SPEF2: variants seen among roughly 807,000 people sequenced by gnomAD.
The protein encoded by SPEF2 is sperm flagella and cilia-associated protein 2.
A neutral mutation model predicts 224.6 loss-of-function variants in SPEF2; 187 were observed. The ratio of observed to expected loss-of-function variants is 0.83; its 90% CI spans 0.74 to 0.94. The LOEUF is 0.94. Ranked by LOEUF, SPEF2 falls within the 40% of genes least tolerant of loss-of-function variation. SPEF2 has a pLI of 0.00. For missense variants in SPEF2, 2,170 were observed against 2,135.6 expected, an observed-to-expected ratio of 1.02 and a Z score of -0.32; for synonymous variants, 715 against 707.3, an observed-to-expected ratio of 1.01 and a Z score of -0.17.
intron 1 of SPEF2, among the ~76,000 whole-genome samples, chr5:35,621,386 G>C (rs1743490031): frequency 6.6e-6 from 1 of 152,052 alleles, no homozygotes; most frequent in Non-Finnish European, 1.5e-5. Context: ...AGGTGAGTCA[G>C]GAGGAGAGGG....
chr5:35,713,643 G>C (rs926938081), intron 20 of SPEF2, among the ~76,000 whole-genome samples: 2 of 150,140 alleles, frequency 1.3e-5, no homozygotes, highest in African/African-American at 4.9e-5. Context: ...GGCTGAGGCA[G>C]GAGAATCCCT....
At chr5:35,790,395 G>A in intron 30 of SPEF2, 1 of 492,698 alleles carries the variant, frequency 2.0e-6, no homozygotes, top group Non-Finnish European at 3.6e-6. Flanking sequence ...TGACATTTTT[G>A]TTGCTTAGCA....
At chr5:35,671,094 A>T (rs1751168106) in intron 10 of SPEF2, 1 of 985,416 alleles carries the variant, frequency 1.0e-6, no homozygotes. Flanking sequence ...TATTAGAAAA[A>T]TTACAAAATG....
chr5:35,698,492 C>T (rs1469764490), intron 15 of SPEF2: 2 of 152,186 alleles, frequency 1.3e-5, no homozygotes, highest in Non-Finnish European at 2.9e-5. Context: ...ATGTTTCAGC[C>T]ATGGGATTCT....
intron 6 of SPEF2, among the ~76,000 whole-genome samples, chr5:35,650,690 CCA>C (rs200081610): frequency 6.6e-6 from 1 of 152,126 alleles, no homozygotes; most frequent in East Asian, 1.9e-4. Context: ...GCACCAGTAT[CCA>C]TGTCTATTGG....
At chr5:35,682,544 A>G (rs1325505302) in intron 10 of SPEF2, among the ~76,000 whole-genome samples, 1 of 152,230 alleles carries the variant, frequency 6.6e-6, no homozygotes, top group East Asian at 1.9e-4. Context: ...ATATCAGGCC[A>G]TGCAGATGTT....
intron 20 of SPEF2, among the ~76,000 whole-genome samples, chr5:35,720,310 A>G (rs1299473115): frequency 6.6e-6 from 1 of 152,218 alleles, no homozygotes. Flanking sequence ...AATAAGGATC[A>G]GCAATATTCC....
chr5:35,618,871 C>CTTTTTTTTTT (rs373293181), intron 1 of SPEF2, among the ~76,000 whole-genome samples: 1 of 149,306 alleles, frequency 6.7e-6, no homozygotes, highest in Non-Finnish European at 1.5e-5. Flanking sequence ...TTTTGTTTGT[C>CTTTTTTTTTT]TTTTTTTCTT....
intron 15 of SPEF2, chr5:35,698,506 C>T (rs548109586): frequency 6.6e-6 from 1 of 152,296 alleles, no homozygotes; most frequent in African/African-American, 2.4e-5. Context: ...GGATTCTTTG[C>T]TTCTGCTCCA....
intron 11 of SPEF2, 74 bp downstream of exon 11, chr5:35,691,330 T>C: frequency 8.4e-7 from 1 of 1,192,122 alleles, no homozygotes; most frequent in Non-Finnish European, 1.2e-6. Context: ...TGTCTATGTG[T>C]ATAAAAAACA....
Position 35,654,535 on chromosome 5 carries a change from C to T in SPEF2, c.792-5C>T. On this transcript the variant is annotated splice_polypyrimidine_tract_variant and splice_region_variant and intron_variant, in intron 6 of 36. Coordinates refer to ENST00000356031, the MANE Select transcript of SPEF2 (RefSeq NM_024867.4). Reference sequence around the variant, plus strand: ...AAAATCTAAAATAAAAACTATTATTCTTAGTGCATCCAAGACTTCTTTAGA... The same window carrying T: ...AAAATCTAAAATAAAAACTATTATTTTTAGTGCATCCAAGACTTCTTTAGA... 7 of 1,556,616 alleles carry T rather than the reference C, an allele frequency of 4.5e-6. No individual in the cohort carries two copies. The highest frequency in any genetic ancestry group is 6.0e-6 in the Non-Finnish European group (7 of 1,159,140).
rs139387194 is a variant in SPEF2 at position 35,736,468 on chromosome 5, AGTGTGT to A, written c.3064-3425_3064-3420del. ...TTAACTACATGGAGGCAAGTGACAG[AGTGTGT>A]GTGTGTGTGTGTGTGTGTGTGTGTG... On this transcript the variant is annotated intron_variant, in intron 21 of 36. Coordinates refer to ENST00000356031, the MANE Select transcript of SPEF2 (RefSeq NM_024867.4). 5.6e-3 allele frequency among the ~76,000 whole-genome samples: 839 copies of A among 149,134 alleles called. 8 individuals are homozygous for A. Among genetic ancestry groups the A allele is most frequent in the Middle Eastern group, 0.014 (4 of 290 alleles).
chr5:35,771,652 A>G lies in SPEF2; in HGVS notation c.3845A>G (p.Glu1282Gly), dbSNP rs779285418. ...CAGAGGCTTATGGAAGAAGAAAAAG[A>G]AAACCAGCCAGCAGACCCCAAAGAA... is the stretch of plus-strand genomic sequence containing the variant. Reference protein sequence around the residue: ...IHQRLMEEEKENQPADPKEKS... With the variant: ...IHQRLMEEEKGNQPADPKEKS... Residue 1282 changes from glutamate (E) to glycine (G), a missense_variant, in exon 27 of 37, where the codon GAA becomes GGA. Glu to Gly is a moderately conservative substitution (Grantham distance 98, BLOSUM62 -2). Transcript: ENST00000356031. 1 of 1,611,330 alleles carries G rather than the reference A, an allele frequency of 6.2e-7. No homozygotes were observed. The highest frequency in any genetic ancestry group is 1.7e-5 in the Admixed American group (1 of 59,306).
chr5:35,654,635 G>A lies in SPEF2; in HGVS notation c.887G>A (p.Arg296His), dbSNP rs765123180. 1.7e-5 allele frequency: 27 copies of A among 1,613,564 alleles called. 1 individual carries two copies. The highest frequency in any genetic ancestry group is 6.7e-5 in the East Asian group (3 of 44,842). The stretch of plus-strand genomic sequence containing the variant: ...GAGTACATTAAAAAAATCCAGAAGC[G>A]CCTTGAAGAAGATGCTTTTGCACGA... ...DDEYIKKIQK[R>H]LEEDAFAREQ... Residue 296 changes from arginine to histidine, a missense_variant, in exon 7 of 37, where the codon CGC becomes CAC. Transcript: ENST00000356031.
chr5:35,658,893 A>T, intron 7 of SPEF2, 126 bp from the exon 8 acceptor site: 2 of 681,726 alleles, frequency 2.9e-6, no homozygotes, highest in Non-Finnish European at 4.3e-6. Context: ...TGTTCAAATT[A>T]AGTCAAATGA....
chr5:35,741,629 G>A (rs977355201), intron 23 of SPEF2, among the ~76,000 whole-genome samples: 3 of 152,174 alleles, frequency 2.0e-5, no homozygotes, highest in Admixed American at 2.0e-4. Flanking sequence ...AAAAACAGCA[G>A]GAAGACACGT....
intron 30 of SPEF2, chr5:35,791,660 G>A (rs972423947): frequency 3.3e-5 from 5 of 151,970 alleles, no homozygotes; most frequent in African/African-American, 4.8e-5. Flanking sequence ...CTTAATGCTT[G>A]TGCATGCAAT....
intron 20 of SPEF2, among the ~76,000 whole-genome samples, chr5:35,713,492 T>C (rs1038952731): frequency 5.3e-5 from 8 of 151,700 alleles, no homozygotes; most frequent in Non-Finnish European, 1.5e-5. Context: ...TCCCATCAGT[T>C]TGGGAGGCTG....
intron 36 of SPEF2, among the ~76,000 whole-genome samples, chr5:35,813,608 T>C (rs1479024212): frequency 6.6e-6 from 1 of 152,184 alleles, no homozygotes; most frequent in Non-Finnish European, 1.5e-5. Context: ...CTTTAGGAGA[T>C]TTGTGTTTTC....
Sources: gnomAD v4.1 joint callset for allele counts (sites outside exome capture counted in the v4.1 genomes callset) on GRCh38, gnomAD v4.1.1 for gene constraint, MANE v1.5 for transcripts, NCBI Gene and HGNC (gene_info 2026-07-23, HGNC 2026-07-21) for gene names.